GIT2: variants seen among roughly 807,000 people sequenced by gnomAD.
GIT2 encodes the protein GIT ArfGAP 2, also known as ARF GTPase-activating protein GIT2.
A neutral mutation model predicts 100.3 loss-of-function variants in GIT2; 32 were observed. The observed-to-expected ratio is 0.32, with a 90% CI of 0.24 to 0.43. The LOEUF (loss-of-function observed/expected upper bound fraction) is 0.43. GIT2 is among the 20% of genes least tolerant of loss of function. The probability of loss-of-function intolerance (pLI) is 1.00; values close to 1 mark genes in which losing one functional copy is unlikely to be tolerated. For missense variants in GIT2, 737 were observed against 975.1 expected (o/e 0.76, Z 3.25); for synonymous variants, 353 against 364.1 (o/e 0.97, Z 0.35).
Position 109,947,315 on chromosome 12 carries a change from T to C in GIT2, c.1582A>G (p.Met528Val). The C allele has an allele frequency of 1.1e-5, 18 of 1,612,988 alleles. No homozygotes were observed. The highest frequency in any genetic ancestry group is 1.5e-5 in the Non-Finnish European group (18 of 1,178,974). Reference protein sequence around the residue: ...TGSGQKPYLPMGEASRPEESR... With the variant: ...TGSGQKPYLPVGEASRPEESR... ...TCTTCGGGGCGGCTCGCTTCTCCCATTGGGAGATATGGTTTCTGACCTGAT... is the reference window on the plus strand; with the variant it reads ...TCTTCGGGGCGGCTCGCTTCTCCCACTGGGAGATATGGTTTCTGACCTGAT... Residue 528 changes from methionine to valine, a missense_variant, in exon 15 of 20, where the codon ATG becomes GTG. Met to Val is a conservative substitution (Grantham distance 21). Around this residue, in one of 3 missense-constraint regions of GIT2, gnomAD observed 451 missense variants for 543.7 expected, o/e 0.83. Transcript: ENST00000355312. This position sits in a 1 kb window ranked among gnomAD's most constrained non-coding sequence, Gnocchi z 4.3.
intron 12 of GIT2, among the ~76,000 whole-genome samples, chr12:109,954,897 A>C (rs1006586293): frequency 1.5e-5 from 2 of 135,634 alleles, no homozygotes; most frequent in Non-Finnish European, 3.1e-5. Flanking sequence ...ACTCTGTCTC[A>C]AAAAAAAAAA....
At chr12:109,986,469 A>C (rs1887397494) in intron 4 of GIT2, among the ~76,000 whole-genome samples, 1 of 152,158 alleles carries the variant, frequency 6.6e-6, no homozygotes, top group South Asian at 2.1e-4. Context: ...GTCTCTACTA[A>C]AGATACAAAA....
Position 109,932,936 on chromosome 12 carries a change from T to C in GIT2, c.*42A>G, listed in dbSNP as rs772216905. ...CTGCGTCTGAATTTGAAATTGGACT[T>C]TATAAAGCCTAGAAAACAGAGGAGG... On this transcript the variant is annotated 3_prime_UTR_variant, in exon 20 of 20. Transcript: ENST00000355312. 2 of 1,135,980 alleles carry C rather than the reference T, an allele frequency of 1.8e-6. No homozygotes were observed. Among genetic ancestry groups the C allele is most frequent in the Admixed American group, 3.4e-5 (2 of 59,008 alleles). 70.4% of individuals were successfully genotyped at this position (1,135,980 alleles called of 1,614,324 possible).
chr12:109,933,198 G>A lies in GIT2; in HGVS notation c.2068-8C>T, dbSNP rs1212280118. ...CATATCAGACTTGGGTTTCTAAAAG[G>A]AAAAAGACAGCCGTTTACCCTGAAC... On this transcript the variant is annotated splice_region_variant and splice_polypyrimidine_tract_variant and intron_variant, in intron 19 of 19. Transcript: ENST00000355312. This position sits in a 1 kb window ranked among gnomAD's most constrained non-coding sequence, Gnocchi z 4.5. The A allele has an allele frequency of 4.0e-6, 6 of 1,493,552 alleles. No individual in the cohort carries two copies. In the Admixed American group the frequency reaches 1.2e-4, roughly 29 times the overall value. The allele number at this position is 1,493,552 out of a possible 1,614,324, so 92.5% of individuals were successfully genotyped here.
chr12:109,985,904 T>A (rs1308975065), intron 4 of GIT2, among the ~76,000 whole-genome samples: 2 of 151,420 alleles, frequency 1.3e-5, no homozygotes, highest in Non-Finnish European at 2.9e-5. Context: ...TGGTGGCACA[T>A]GCCTGAGATC....
chr12:109,940,383 TATAAA>T (rs1874326110), intron 16 of GIT2: 1 of 152,198 alleles, frequency 6.6e-6, no homozygotes, highest in Non-Finnish European at 1.5e-5. Context: ...CCACTTACCT[TATAAA>T]ATATAAGTGT....
chr12:109,933,964 G>A lies in GIT2; in HGVS notation c.2067+58C>T. 1.1e-6 allele frequency: 1 copy of A among 931,738 alleles called. No homozygotes were observed. Among genetic ancestry groups the A allele is most frequent in the Non-Finnish European group, 1.8e-6 (1 of 556,702 alleles). 57.7% of individuals were successfully genotyped at this position (931,738 alleles called of 1,614,324 possible). On this transcript the variant is annotated intron_variant, in intron 19 of 19. Coordinates refer to ENST00000355312, the MANE Select transcript of GIT2 (RefSeq NM_057169.5). This position sits in a 1 kb window ranked among gnomAD's most constrained non-coding sequence, Gnocchi z 4.5. ...GCTAATGTAATATATAGGTCATAAAGAAATTTCTTGCTGTTCATTTAAAAG... is the reference window on the plus strand; with the variant it reads ...GCTAATGTAATATATAGGTCATAAAAAAATTTCTTGCTGTTCATTTAAAAG...
Position 109,948,857 on chromosome 12 carries a change from T to C in GIT2, c.1393-1353A>G, listed in dbSNP as rs1877055200. On this transcript the variant is annotated intron_variant, in intron 14 of 19. Coordinates refer to ENST00000355312, the MANE Select transcript of GIT2 (RefSeq NM_057169.5). This position sits in a 1 kb window ranked among gnomAD's most constrained non-coding sequence, Gnocchi z 4.3. ...ATCTTTTCCAAGCAACTGTTAAATG[T>C]GAAAGATCAGATACAAATCATGCTA... The C allele has an allele frequency of 1.3e-6, 2 of 1,573,600 alleles. No homozygotes were observed. The highest frequency in any genetic ancestry group is 1.4e-5 in the African/African-American group (1 of 73,986).
At chr12:109,961,779 G>A (rs761599230) in intron 9 of GIT2, 94 bp from the exon 10 acceptor site, 16 of 774,908 alleles carry the variant, frequency 2.1e-5, no homozygotes, top group East Asian at 9.9e-5. Context: ...TATTGCCTAC[G>A]TCTTATCCAA....
chr12:109,983,267 T>A (rs979414682), intron 6 of GIT2, 106 bp downstream of exon 6: 17 of 999,058 alleles, frequency 1.7e-5, no homozygotes, highest in Non-Finnish European at 2.6e-5. Context: ...ATAACGTACA[T>A]CTTTAAAGGG....
Position 109,989,759 on chromosome 12 carries a change from T to C in GIT2, c.230A>G (p.Glu77Gly). 1 of 1,607,186 alleles carries C rather than the reference T, an allele frequency of 6.2e-7. No homozygotes were observed. The highest frequency in any genetic ancestry group is 8.5e-7 in the Non-Finnish European group (1 of 1,173,778). Residue 77 changes from glutamate to glycine, a missense_variant, in exon 3 of 20, where the codon GAG (glutamate) becomes GGG (glycine). Physicochemically the swap from Glu to Gly is moderately conservative, Grantham distance 98. Transcript: ENST00000355312. ...LYNNGANSIW[E>G]HSLLDPASIM... ...AGACGCAGGGTCCAGCAAAGAATGC[T>C]CCCATATAGAGTTAGCACCGTTATT... is the stretch of plus-strand genomic sequence containing the variant.
chr12:109,997,358 G>C (rs1436155216), upstream of GIT2: 1 of 152,094 alleles, frequency 6.6e-6, no homozygotes, highest in Admixed American at 6.6e-5. Context: ...CAGCCTGGGG[G>C]ACAGAGCGAG....
At chr12:109,961,848 G>C (rs1263421436) in intron 9 of GIT2, among the ~76,000 whole-genome samples, 163 bp from the exon 10 acceptor site, 1 of 152,114 alleles carries the variant, frequency 6.6e-6, no homozygotes, top group Non-Finnish European at 1.5e-5. Context: ...AAATCGTACA[G>C]GGCCTCTAGA....
intron 4 of GIT2, among the ~76,000 whole-genome samples, chr12:109,986,067 C>T (rs1450868948): frequency 6.6e-6 from 1 of 151,566 alleles, no homozygotes; most frequent in Non-Finnish European, 1.5e-5. Context: ...TCTCAGCTCA[C>T]TGCAACCTTC....
intron 15 of GIT2, among the ~76,000 whole-genome samples, chr12:109,946,568 G>C (rs1291902558): frequency 6.6e-6 from 1 of 152,176 alleles, no homozygotes; most frequent in Admixed American, 6.5e-5. Flanking sequence ...AAATAAGATT[G>C]TAAGAACCCT....
upstream of GIT2, chr12:109,999,535 GCGCCCCGCACCCGACCGGCTCAGC>G (rs1852988629): frequency 2.3e-6 from 1 of 431,686 alleles, no homozygotes. This position sits in a 1 kb window ranked among gnomAD's most constrained non-coding sequence, Gnocchi z 4.3. Flanking sequence ...GACCTCCCGC[GCGCCCCGCACCCGACCGGCTCAGC>G]CGGCCGGCAG....
intron 16 of GIT2, chr12:109,939,687 AAATAAATAAATAAAT>A (rs1874077198): frequency 2.8e-5 from 2 of 72,496 alleles, no homozygotes; most frequent in Admixed American, 1.2e-4. Flanking sequence ...TAAATAAAAT[AAATAAATAAATAAAT>A]AAATAAATAA....
Position 109,993,998 on chromosome 12 carries a change from G to A in GIT2, c.52+2175C>T, listed in dbSNP as rs78977039. On this transcript the variant is annotated intron_variant, in intron 1 of 19. Coordinates refer to ENST00000355312, the MANE Select transcript of GIT2 (RefSeq NM_057169.5). ...GTATCATCCTAAAAAGCAGAGATTG[G>A]AAATGTCCAGATGAAGGAGCTCTAC... Among the ~76,000 whole-genome samples the A allele has an allele frequency of 7.0e-3, 1,025 of 146,532 alleles. 1 individual carries two copies. Among genetic ancestry groups the A allele is most frequent in the Non-Finnish European group, 9.5e-3 (641 of 67,344 alleles).
chr12:109,967,862 A>T (rs1882889952), intron 7 of GIT2, among the ~76,000 whole-genome samples: 1 of 152,224 alleles, frequency 6.6e-6, no homozygotes, highest in Non-Finnish European at 1.5e-5. Flanking sequence ...ACAGTGGATG[A>T]GCTCTAGGTC....
Sources: gnomAD v4.1 joint callset for allele counts (sites outside exome capture counted in the v4.1 genomes callset) on GRCh38, gnomAD v4.1.1 for gene constraint, gnomAD v4.1.1 regional missense constraint, Gnocchi (gnomAD v3.1) non-coding constraint, MANE v1.5 for transcripts, NCBI Gene and HGNC (gene_info 2026-07-23, HGNC 2026-07-21) for gene names.